CALN1: variants seen among roughly 807,000 people sequenced by gnomAD.
CALN1 encodes the protein calneuron 1.
In CALN1, 17 loss-of-function variants were observed where a neutral mutation model predicts 30.6. The ratio of observed to expected loss-of-function variants is 0.56; its 90% CI spans 0.38 to 0.83. CALN1 has a LOEUF of 0.83. Ranked by LOEUF, CALN1 falls within the 40% of genes least tolerant of loss-of-function variation. The pLI, the probability that CALN1 is intolerant of heterozygous loss-of-function variation, is 0.00. For synonymous variants in CALN1, 156 were observed against 131.4 expected, an observed-to-expected ratio of 1.19 and a Z score of -1.28; for missense variants, 291 against 354.9, an observed-to-expected ratio of 0.82 and a Z score of 1.45.
chr7:72,484,201 T>TA, the CALN1 span, among the ~76,000 whole-genome samples: 2 of 152,220 alleles, frequency 1.3e-5, no homozygotes, highest in African/African-American at 4.8e-5. Context: ...TTAGATTGGA[T>TA]ATGAGTTCAT....
chr7:72,030,603 G>A (rs771267791), intron 4 of CALN1, among the ~76,000 whole-genome samples: 3 of 152,138 alleles, frequency 2.0e-5, no homozygotes, highest in Non-Finnish European at 4.4e-5. Context: ...AATCTCAGAG[G>A]TAGGTTTTAC....
At chr7:71,982,021 C>T (rs1798424695) in intron 5 of CALN1, among the ~76,000 whole-genome samples, 1 of 152,210 alleles carries the variant, frequency 6.6e-6, no homozygotes, top group South Asian at 2.1e-4. Context: ...CTTCCCTCGC[C>T]TTGCCTTTGG....
chr7:71,893,084 T>C (rs1212340250), intron 5 of CALN1, among the ~76,000 whole-genome samples: 2 of 152,198 alleles, frequency 1.3e-5, no homozygotes, highest in Non-Finnish European at 2.9e-5. Flanking sequence ...TTACGTTAGA[T>C]ACCACTGTTA....
chr7:72,441,702 A>G (rs59154237), intron 1 of CALN1, among the ~76,000 whole-genome samples: 8,451 of 151,840 alleles, frequency 0.056, 553 homozygotes, highest in East Asian at 0.3. Flanking sequence ...CGTCTTGAAC[A>G]AGGAAGAAGG....
At chr7:72,337,266 G>C in intron 2 of CALN1, 5 of 985,186 alleles carry the variant, frequency 5.1e-6, no homozygotes, top group Non-Finnish European at 4.8e-6. Context: ...GCGTTCAGGA[G>C]CCGGGCTTCT....
At chr7:71,938,734 G>A (rs1463937206) in intron 5 of CALN1, among the ~76,000 whole-genome samples, 2 of 152,190 alleles carry the variant, frequency 1.3e-5, no homozygotes, top group African/African-American at 2.4e-5. Flanking sequence ...GGCAGAGGTT[G>A]CAGTGAGCCG....
intron 5 of CALN1, among the ~76,000 whole-genome samples, chr7:72,007,288 G>A (rs1266628533): frequency 6.6e-6 from 1 of 152,214 alleles, no homozygotes; most frequent in Non-Finnish European, 1.5e-5. Context: ...GCTTGCGCTT[G>A]CAATCCCAGC....
chr7:72,317,046 G>A (rs1329904711), intron 2 of CALN1, among the ~76,000 whole-genome samples: 1 of 141,496 alleles, frequency 7.1e-6, no homozygotes, highest in East Asian at 2.1e-4. Context: ...GGAAGAGAGA[G>A]AGAGAAAGAG....
chr7:71,968,057 T>A (rs922769422), intron 5 of CALN1, among the ~76,000 whole-genome samples: 4 of 152,170 alleles, frequency 2.6e-5, no homozygotes, highest in African/African-American at 7.2e-5. Context: ...GAAATGAAAA[T>A]ATATGCCCAC....
At chr7:72,467,305 A>G in the CALN1 span, among the ~76,000 whole-genome samples, 74 of 152,238 alleles carry the variant, frequency 4.9e-4, no homozygotes, top group Middle Eastern at 0.014. Context: ...CAATGTCCAC[A>G]CGGCAGGGGG....
chr7:72,206,908 T>A (rs1323965328), intron 3 of CALN1, among the ~76,000 whole-genome samples: 1 of 152,198 alleles, frequency 6.6e-6, no homozygotes, highest in South Asian at 2.1e-4. Context: ...TCTCATTGAA[T>A]GAGGTAGGTC....
chr7:72,322,491 C>T (rs185926921), intron 2 of CALN1, among the ~76,000 whole-genome samples: 3 of 152,264 alleles, frequency 2.0e-5, no homozygotes, highest in East Asian at 3.9e-4. Flanking sequence ...TCCTAAGTTC[C>T]TTTCCATTTC....
At chr7:71,945,016 G>A (rs1394735809) in intron 5 of CALN1, among the ~76,000 whole-genome samples, 3 of 152,138 alleles carry the variant, frequency 2.0e-5, no homozygotes, top group Non-Finnish European at 2.9e-5. Context: ...TGGTGGGAGG[G>A]GCATGGGTCA....
intron 1 of CALN1, among the ~76,000 whole-genome samples, chr7:72,422,233 T>G (rs1807635619): frequency 1.3e-5 from 2 of 152,232 alleles, no homozygotes; most frequent in Admixed American, 1.3e-4. Flanking sequence ...GTACTACTAG[T>G]TTACATTCCC....
At chr7:72,467,174 A>G in the CALN1 span, among the ~76,000 whole-genome samples, 3 of 152,182 alleles carry the variant, frequency 2.0e-5, no homozygotes, top group Non-Finnish European at 2.9e-5. Context: ...TATGACCAAT[A>G]TGAGTCCCGA....
At chr7:72,120,885 C>T (rs1240474071) in intron 3 of CALN1, among the ~76,000 whole-genome samples, 1 of 151,854 alleles carries the variant, frequency 6.6e-6, no homozygotes, top group African/African-American at 2.4e-5. Flanking sequence ...AAGGAGGTCC[C>T]CAAGAAAGAC....
At chr7:72,483,810 T>C in the CALN1 span, among the ~76,000 whole-genome samples, 1 of 150,842 alleles carries the variant, frequency 6.6e-6, no homozygotes, top group African/African-American at 2.4e-5. Flanking sequence ...CTCTCGGTGG[T>C]TCATTTTGGA....
intron 3 of CALN1, among the ~76,000 whole-genome samples, chr7:72,266,736 A>G (rs1188642245): frequency 6.6e-6 from 1 of 152,194 alleles, no homozygotes; most frequent in African/African-American, 2.4e-5. Context: ...CAGCTATCAA[A>G]ATGCATTTTC....
At position 71,782,323 on chromosome 7, in the gene CALN1, TCTC is replaced by T. The variant is rs1792760552; in HGVS notation, c.*5449_*5451del. Reference sequence around the variant, plus strand: ...TTAAGAAAAGGAGACTGGCACCTCTTCTCCTCTCTCTTGCTCCTGTTCTTGCTG... The same window carrying T: ...TTAAGAAAAGGAGACTGGCACCTCTTCTCTCTCTTGCTCCTGTTCTTGCTG... On this transcript the variant is annotated 3_prime_UTR_variant, in exon 7 of 7. Transcript: ENST00000395275. 1.3e-5 allele frequency: 2 copies of T among 152,194 alleles called. No homozygotes were observed. Among genetic ancestry groups the T allele is most frequent in the African/African-American group, 2.4e-5 (1 of 41,444 alleles). The allele number at this position is 152,194 out of a possible 1,614,324, so 9.4% of individuals were successfully genotyped here.
Sources: allele counts gnomAD v4.1 joint callset (sites outside exome capture counted in the v4.1 genomes callset), GRCh38; gene constraint gnomAD v4.1.1; transcripts MANE v1.5; gene names NCBI Gene and HGNC (gene_info 2026-07-23, HGNC 2026-07-21).